Variants in CPEB3 observed in about 807,000 individuals in gnomAD.
CPEB3 encodes cytoplasmic polyadenylation element-binding protein 3.
CPEB3 carries 20 observed loss-of-function variants against 67.2 expected under a neutral mutation model. That is an observed-to-expected ratio of 0.30 (90% CI 0.21 to 0.43). The LOEUF (loss-of-function observed/expected upper bound fraction) is 0.43, where lower values mean the gene tolerates loss of function less well. Among genes scored for constraint, CPEB3 ranks in the 20% least tolerant of loss-of-function variants. The pLI is 1.00. For synonymous variants in CPEB3, 376 were observed against 393.1 expected (o/e 0.96, Z 0.51); for missense variants, 746 against 968.6 (o/e 0.77, Z 3.05).
chr10:92,259,130 T>TG (rs1462379020), intron 1 of CPEB3, among the ~76,000 whole-genome samples: 1 of 151,680 alleles, frequency 6.6e-6, no homozygotes, highest in Non-Finnish European at 1.5e-5. Flanking sequence ...GCCTGGCTAA[T>TG]TTTTGTATTT....
chr10:92,097,254 A>G (rs563159411), intron 7 of CPEB3, among the ~76,000 whole-genome samples: 31 of 152,366 alleles, frequency 2.0e-4, no homozygotes, highest in African/African-American at 7.5e-4. Context: ...GAACTAATTC[A>G]AATGTTAAAA....
chr10:92,244,480 T>G (rs1320779867), intron 1 of CPEB3, among the ~76,000 whole-genome samples: 2 of 151,486 alleles, frequency 1.3e-5, no homozygotes, highest in Non-Finnish European at 2.9e-5. Flanking sequence ...CTCTGTTGCC[T>G]AGGCTGGAGT....
At chr10:92,080,103 A>T (rs1025451684) in intron 9 of CPEB3, among the ~76,000 whole-genome samples, 25 of 150,526 alleles carry the variant, frequency 1.7e-4, no homozygotes, top group Non-Finnish European at 3.2e-4. Context: ...GTTACTCGGG[A>T]GGCTGAGGCA....
intron 6 of CPEB3, among the ~76,000 whole-genome samples, chr10:92,120,462 T>C (rs527238208): frequency 6.6e-6 from 1 of 152,062 alleles, no homozygotes; most frequent in South Asian, 2.1e-4. Flanking sequence ...CGGGCGCCTA[T>C]AGTCCCAGCT....
At chr10:92,214,292 C>T (rs529384983) in intron 2 of CPEB3, among the ~76,000 whole-genome samples, 1 of 152,282 alleles carries the variant, frequency 6.6e-6, no homozygotes, top group East Asian at 1.9e-4. Flanking sequence ...ACTCAGCATG[C>T]TCTTTGGAGA....
At chr10:92,203,325 GAC>G (rs1356801527) in intron 2 of CPEB3, among the ~76,000 whole-genome samples, 1 of 132,168 alleles carries the variant, frequency 7.6e-6, no homozygotes, top group Non-Finnish European at 1.5e-5. Flanking sequence ...TTAGGTACAA[GAC>G]ATAAGAGATG....
chr10:92,240,169 G>C lies in CPEB3; in HGVS notation c.182C>G (p.Ala61Gly). Residue 61 changes from alanine (A) to glycine (G), a missense_variant, in exon 2 of 10, where the codon GCC becomes GGC. By Grantham distance (60) the Ala-to-Gly change is moderately conservative. Transcript: ENST00000265997. ...SAVPALSPAA[A>G]PPAPNGPDKM... ...GTCCGGGCCGTTGGGGGCCGGGGGG[G>C]CAGCGGCTGGGCTGAGGGCCGGCAC... is the stretch of plus-strand genomic sequence containing the variant. 1 of 1,543,670 alleles carries C rather than the reference G, an allele frequency of 6.5e-7. No homozygotes were observed. The highest frequency in any genetic ancestry group is 2.0e-5 in the Admixed American group (1 of 50,502).
intron 6 of CPEB3, 60 bp from the exon 7 acceptor site, chr10:92,111,254 C>A: frequency 2.8e-6 from 3 of 1,066,532 alleles, no homozygotes; most frequent in South Asian, 2.6e-5. Context: ...CTCAAAGTAC[C>A]AATTACAAAT....
At chr10:92,189,283 T>G (rs1848844777) in intron 3 of CPEB3, among the ~76,000 whole-genome samples, 1 of 152,230 alleles carries the variant, frequency 6.6e-6, no homozygotes, top group Non-Finnish European at 1.5e-5. Context: ...CAATAATCAC[T>G]ACTTATGAAA....
At chr10:92,118,428 G>A (rs535528671) in intron 6 of CPEB3, among the ~76,000 whole-genome samples, 4 of 152,196 alleles carry the variant, frequency 2.6e-5, no homozygotes, top group Admixed American at 6.5e-5. Flanking sequence ...CACCGTGCCC[G>A]GCCTGACATT....
At chr10:92,281,599 G>A (rs1451420459) in intron 1 of CPEB3, among the ~76,000 whole-genome samples, 1 of 152,132 alleles carries the variant, frequency 6.6e-6, no homozygotes, top group African/African-American at 2.4e-5. Flanking sequence ...AACCAGTTCA[G>A]TTTGCATCTT....
chr10:92,170,774 T>C (rs1426384906), intron 4 of CPEB3, among the ~76,000 whole-genome samples: 1 of 152,100 alleles, frequency 6.6e-6, no homozygotes, highest in African/African-American at 2.4e-5. Flanking sequence ...ATTTTGTATT[T>C]TATACTGATC....
chr10:92,242,715 A>G (rs1851901841), intron 1 of CPEB3, among the ~76,000 whole-genome samples: 1 of 152,232 alleles, frequency 6.6e-6, no homozygotes, highest in Admixed American at 6.5e-5. Flanking sequence ...TCAGCAAAAA[A>G]GCCAAAAAGT....
At chr10:92,272,028 ATATT>A (rs1853329551) in intron 1 of CPEB3, 1 of 152,116 alleles carries the variant, frequency 6.6e-6, no homozygotes, top group African/African-American at 2.4e-5. Context: ...TAATGGATTC[ATATT>A]TATTCTATTC....
At position 92,239,799 on chromosome 10, in the gene CPEB3, C is replaced by A. The variant is rs747091533; in HGVS notation, c.552G>T (p.Ala184=). The part of the protein sequence containing the change: ...QPAQPAQPPQ[A]QPPQQRRSPA... ...GTGAGCGGCGCTGCTGCGGGGGCTG[C>A]GCCTGTGGTGGCTGCGCTGGCTGTG... The change falls in exon 2 of 10, where the codon GCG becomes GCT. Residue 184 remains alanine, a synonymous_variant. Coordinates refer to ENST00000265997, the MANE Select transcript of CPEB3 (RefSeq NM_014912.5). This position sits in a 1 kb window ranked among gnomAD's most constrained non-coding sequence, Gnocchi z 6.0. 8 of 1,419,004 alleles carry A rather than the reference C, an allele frequency of 5.6e-6. No homozygotes were observed. In the Middle Eastern group the frequency reaches 6.2e-4, roughly 110 times the overall value. The allele number at this position is 1,419,004 out of a possible 1,614,324, so 87.9% of individuals were successfully genotyped here.
intron 9 of CPEB3, among the ~76,000 whole-genome samples, chr10:92,059,526 C>A (rs561314589): frequency 3.3e-5 from 5 of 151,530 alleles, no homozygotes; most frequent in African/African-American, 1.2e-4. Flanking sequence ...TACATCAAAA[C>A]GGGGAAAAAA....
intron 6 of CPEB3, among the ~76,000 whole-genome samples, chr10:92,117,889 A>C (rs777942479): frequency 6.6e-6 from 1 of 152,156 alleles, no homozygotes; most frequent in Non-Finnish European, 1.5e-5. Flanking sequence ...CAGTAACTCT[A>C]TGAGGTAAAT....
intron 3 of CPEB3, among the ~76,000 whole-genome samples, chr10:92,188,461 C>T (rs557769033): frequency 4.2e-4 from 64 of 151,936 alleles, no homozygotes; most frequent in African/African-American, 1.5e-3. Flanking sequence ...GTGGCTCATG[C>T]CTGTAATCCC....
intron 4 of CPEB3, among the ~76,000 whole-genome samples, chr10:92,160,583 GAAA>G (rs1847425665): frequency 6.6e-6 from 1 of 152,052 alleles, no homozygotes; most frequent in Non-Finnish European, 1.5e-5. Context: ...ATTGAGAAAG[GAAA>G]TACTCCATAT....
Sources: allele counts gnomAD v4.1 joint callset (sites outside exome capture counted in the v4.1 genomes callset), GRCh38; gene constraint gnomAD v4.1.1; non-coding constraint Gnocchi (gnomAD v3.1); transcripts MANE v1.5; gene names NCBI Gene and HGNC (gene_info 2026-07-23, HGNC 2026-07-21).